Variants in NRG3 observed in about 807,000 individuals in gnomAD.
NRG3 encodes the protein neuregulin 3.
In NRG3, 31 loss-of-function variants were observed where a neutral mutation model predicts 66.9. The observed-to-expected ratio is 0.46, with a 90% CI of 0.35 to 0.63. The LOEUF (loss-of-function observed/expected upper bound fraction) is 0.63, where lower values mean the gene tolerates loss of function less well. Among genes scored for constraint, NRG3 ranks in the 20% least tolerant of loss-of-function variants. The pLI is 0.00. For missense variants in NRG3, 910 were observed against 878.9 expected (o/e 1.04, Z -0.45); for synonymous variants, 393 against 359.4 (o/e 1.09, Z -1.06).
At chr10:82,879,496 G>T in intron 4 of NRG3, among the ~76,000 whole-genome samples, 1 of 127,908 alleles carries the variant, frequency 7.8e-6, no homozygotes, top group African/African-American at 3.1e-5. Flanking sequence ...TTTTTGAGAC[G>T]GAGTCTCCCT....
At chr10:82,224,115 G>C (rs1232769501) in intron 1 of NRG3, 1 of 152,180 alleles carries the variant, frequency 6.6e-6, no homozygotes, top group African/African-American at 2.4e-5. Context: ...AGGGACAATT[G>C]TGTATTTATT....
chr10:82,829,657 A>G (rs2062415436), intron 3 of NRG3, among the ~76,000 whole-genome samples: 1 of 152,148 alleles, frequency 6.6e-6, no homozygotes, highest in African/African-American at 2.4e-5. Context: ...GATCCAGTAG[A>G]TGGACAAGAG....
At chr10:81,919,995 A>G (rs1390082404) in intron 1 of NRG3, among the ~76,000 whole-genome samples, 1 of 152,228 alleles carries the variant, frequency 6.6e-6, no homozygotes, top group South Asian at 2.1e-4. Context: ...ACGAAAAATT[A>G]AATAACAATA....
intron 1 of NRG3, among the ~76,000 whole-genome samples, chr10:82,032,722 C>T (rs1349121925): frequency 1.3e-5 from 2 of 151,898 alleles, no homozygotes; most frequent in East Asian, 1.9e-4. Flanking sequence ...GCACATTGTG[C>T]GTTAACTTTG....
intron 1 of NRG3, among the ~76,000 whole-genome samples, chr10:82,331,426 C>T (rs2082129199): frequency 6.6e-6 from 1 of 152,110 alleles, no homozygotes; most frequent in Non-Finnish European, 1.5e-5. Flanking sequence ...ATGGGTTTTA[C>T]TTTAACTCAG....
chr10:82,024,300 A>G (rs950223032), intron 1 of NRG3, among the ~76,000 whole-genome samples: 1 of 151,060 alleles, frequency 6.6e-6, no homozygotes, highest in Non-Finnish European at 1.5e-5. Flanking sequence ...AACAAGTTGT[A>G]TTTGTTGATC....
In NRG3 at chr10:82,262,324, G is replaced by A. The variant is rs547919307; in HGVS notation, c.824-96415G>A. ...CTGACATGCCCATGTTTTATGCTTC[G>A]ATTTGGGACCTTAAAGTATTCAGCC... is the stretch of plus-strand genomic sequence containing the variant. On this transcript the variant is annotated intron_variant, in intron 1 of 8. Coordinates refer to ENST00000372141, the MANE Select transcript of NRG3 (RefSeq NM_001010848.4). 1.1e-4 allele frequency among the ~76,000 whole-genome samples: 16 copies of A among 152,250 alleles called. No individual in the cohort carries two copies. In the South Asian group the frequency reaches 2.5e-3, roughly 24 times the overall value.
chr10:82,633,032 G>A (rs1251631800), intron 2 of NRG3, among the ~76,000 whole-genome samples: 2 of 152,142 alleles, frequency 1.3e-5, no homozygotes, highest in Admixed American at 6.5e-5. Context: ...GCCATTGACA[G>A]GTTTGTTAAC....
chr10:82,224,424 G>A (rs966420444), intron 1 of NRG3: 3 of 152,146 alleles, frequency 2.0e-5, no homozygotes, highest in Admixed American at 6.6e-5. Flanking sequence ...AATGCAGAAA[G>A]CAGAATGACT....
intron 2 of NRG3, among the ~76,000 whole-genome samples, chr10:82,701,579 T>C (rs1417653811): frequency 1.3e-5 from 2 of 152,122 alleles, no homozygotes; most frequent in African/African-American, 4.8e-5. Context: ...CTTAGAACAG[T>C]TCAATAAACT....
chr10:82,476,642 T>C (rs560443653), intron 2 of NRG3, among the ~76,000 whole-genome samples: 1 of 152,242 alleles, frequency 6.6e-6, no homozygotes, highest in South Asian at 2.1e-4. Context: ...TTATATGAGG[T>C]ACCAAAAGTA....
chr10:82,749,464 C>T (rs1395487596), intron 3 of NRG3, among the ~76,000 whole-genome samples: 3 of 152,114 alleles, frequency 2.0e-5, no homozygotes, highest in Admixed American at 6.6e-5. Context: ...TCATCCTCTC[C>T]ATGTGAGCAA....
At chr10:82,917,062 G>T (rs1052516682) in intron 4 of NRG3, among the ~76,000 whole-genome samples, 2 of 152,182 alleles carry the variant, frequency 1.3e-5, no homozygotes, top group African/African-American at 4.8e-5. Context: ...ACACAGTGGT[G>T]GTGCTTATAC....
At chr10:82,791,315 T>C (rs2060578355) in intron 3 of NRG3, among the ~76,000 whole-genome samples, 1 of 152,148 alleles carries the variant, frequency 6.6e-6, no homozygotes, top group South Asian at 2.1e-4. Flanking sequence ...TTTTTGGTTT[T>C]TTTTTCATTT....
chr10:82,171,247 T>A (rs890708266), intron 1 of NRG3, among the ~76,000 whole-genome samples: 2 of 152,076 alleles, frequency 1.3e-5, no homozygotes, highest in African/African-American at 2.4e-5. Flanking sequence ...CTCCCCTAGT[T>A]GCCTGGCCCA....
At chr10:82,814,419 T>G (rs1457924452) in intron 3 of NRG3, among the ~76,000 whole-genome samples, 1 of 152,198 alleles carries the variant, frequency 6.6e-6, no homozygotes, top group Non-Finnish European at 1.5e-5. Flanking sequence ...TACTAGTAAA[T>G]GCTAATGCAC....
intron 3 of NRG3, among the ~76,000 whole-genome samples, chr10:82,799,148 G>A (rs539569335): frequency 5.3e-5 from 8 of 152,292 alleles, no homozygotes; most frequent in African/African-American, 1.7e-4. Context: ...GCATGATAGA[G>A]TTCTAACAAA....
intron 2 of NRG3, among the ~76,000 whole-genome samples, chr10:82,474,490 G>T (rs1335104741): frequency 9.2e-5 from 14 of 152,096 alleles, no homozygotes; most frequent in African/African-American, 2.4e-5. Context: ...CACTAGAAGG[G>T]TTCAACAGCA....
intron 4 of NRG3, among the ~76,000 whole-genome samples, chr10:82,933,937 G>T (rs1365169404): frequency 1.3e-5 from 2 of 152,162 alleles, no homozygotes; most frequent in African/African-American, 4.8e-5. Context: ...AAAGATAATG[G>T]TCTTGAGTAT....
Sources: allele counts gnomAD v4.1 joint callset (sites outside exome capture counted in the v4.1 genomes callset), GRCh38; gene constraint gnomAD v4.1.1; transcripts MANE v1.5; gene names NCBI Gene and HGNC (gene_info 2026-07-23, HGNC 2026-07-21).